The following BRME1 variants were observed in gnomAD, a reference collection of about 807,000 sequenced individuals.
BRME1 encodes break repair meiotic recombinase recruitment factor 1.
BRME1 carries 31 observed loss-of-function variants against 52.6 expected under a neutral mutation model. The ratio of observed to expected loss-of-function variants is 0.59; its 90% CI spans 0.44 to 0.80. The LOEUF (loss-of-function observed/expected upper bound fraction) is 0.80, where lower values mean the gene tolerates loss of function less well. BRME1 is among the 30% of genes least tolerant of loss of function. The probability of loss-of-function intolerance (pLI) is 0.00; values close to 1 mark genes in which losing one functional copy is unlikely to be tolerated. For synonymous variants in BRME1, 359 were observed against 353.6 expected (o/e 1.02, Z -0.17); for missense variants, 804 against 860.3 (o/e 0.93, Z 0.82).
chr19:13,890,279 C>A lies in BRME1; in HGVS notation c.577G>T (p.Asp193Tyr). 6.2e-7 allele frequency: 1 copy of A among 1,612,850 alleles called. No homozygotes were observed. The change falls in exon 6 of 9, where the codon GAC becomes TAC. Residue 193 changes from aspartate (D) to tyrosine (Y), a missense_variant. This residue lies in a region of BRME1 where 234 missense variants were observed against 258.1 expected (regional missense o/e 0.91). Transcript: ENST00000586783. ...VPGSGDSQPDDPPDRGTGLSA... is the reference protein window; with the variant it reads ...VPGSGDSQPDYPPDRGTGLSA... ...AACCCCGTCCCCCTGTCTGGAGGGTCATCAGGCTGAGAATCCCCACTGCCG... is the reference window on the plus strand; with the variant it reads ...AACCCCGTCCCCCTGTCTGGAGGGTAATCAGGCTGAGAATCCCCACTGCCG...
Position 13,882,839 on chromosome 19 carries a change from T to C in BRME1, c.1970A>G (p.Asn657Ser), listed in dbSNP as rs546246448. 6.8e-6 allele frequency: 11 copies of C among 1,613,892 alleles called. No homozygotes were observed. The African/African-American group carries it at 1.5e-4, about 22-fold the overall frequency. The change falls in exon 9 of 9, where the codon AAT becomes AGT. Residue 657 changes from asparagine (N) to serine (S), a missense_variant. By Grantham distance (46) the Asn-to-Ser change is conservative. Around this residue, in one of 3 missense-constraint regions of BRME1, gnomAD observed 552 missense variants for 561.1 expected, o/e 0.98. Transcript: ENST00000586783. The stretch of plus-strand genomic sequence containing the variant: ...CCAGGGTGGGTCCCCTCGAGGGATA[T>C]TCCCAGGCCCCTTGGAAGGGTAAGG... Reference protein sequence around the residue: ...PLPYPSKGPGNIPRGDPPWRE... With the variant: ...PLPYPSKGPGSIPRGDPPWRE...
In BRME1 at chr19:13,888,518, G is replaced by A. The variant is rs1222440286; in HGVS notation, c.1668+670C>T. The A allele has an allele frequency of 6.6e-6, 1 of 152,264 alleles. No homozygotes were observed. Among genetic ancestry groups the A allele is most frequent in the Non-Finnish European group, 1.5e-5 (1 of 68,074 alleles). The allele number at this position is 152,264 out of a possible 1,614,324, so 9.4% of individuals were successfully genotyped here. ...GGTCGCTCTTTCCCTGGGGGGCAGG[G>A]CTGAAGCAAGGCTGCCATCTGCCCA... On this transcript the variant is annotated intron_variant, in intron 6 of 8. Transcript: ENST00000586783. The surrounding 1 kb of genome is among the most constrained non-coding windows in gnomAD (Gnocchi z 4.1).
chr19:13,893,488 T>C (rs1425876799), intron 3 of BRME1, among the ~76,000 whole-genome samples: 1 of 152,092 alleles, frequency 6.6e-6, no homozygotes, highest in African/African-American at 2.4e-5. Context: ...TGAGCCAAGA[T>C]TGTGCTACTG....
intron 5 of BRME1, among the ~76,000 whole-genome samples, chr19:13,892,551 G>A (rs952918989): frequency 4.6e-5 from 7 of 152,096 alleles, no homozygotes; most frequent in Admixed American, 1.3e-4. Flanking sequence ...TGGCACCATC[G>A]CACTCCAGCC....
Position 13,890,344 on chromosome 19 carries a change from C to A in BRME1, c.512G>T (p.Arg171Leu), listed in dbSNP as rs757389709. The A allele has an allele frequency of 1.3e-6, 2 of 1,582,234 alleles. No individual in the cohort carries two copies. The highest frequency in any genetic ancestry group is 1.7e-6 in the Non-Finnish European group (2 of 1,165,664). The part of the protein sequence containing the change: ...LGDPTQADSA[R>L]PEQSSQSPVQ... ...AGGGCTCTGGCTGCTCTGCTCAGGG[C>A]GGGCACTGTCTGCCTGCGTTGGGTC... Residue 171 changes from arginine to leucine, a missense_variant, in exon 6 of 9, where the codon CGC (arginine) becomes CTC (leucine). Arg to Leu is a moderately radical substitution (Grantham distance 102, BLOSUM62 -2). This residue lies in a region of BRME1 where 234 missense variants were observed against 258.1 expected (regional missense o/e 0.91). Transcript: ENST00000586783.
Position 13,890,479 on chromosome 19 carries a change from A to C in BRME1, c.394-17T>G. 1 of 1,472,000 alleles carries C rather than the reference A, an allele frequency of 6.8e-7. No homozygotes were observed. Among genetic ancestry groups the C allele is most frequent in the Admixed American group, 2.5e-5 (1 of 40,406 alleles). The allele number at this position is 1,472,000 out of a possible 1,614,324, so 91.2% of individuals were successfully genotyped here. On this transcript the variant is annotated splice_polypyrimidine_tract_variant and intron_variant, in intron 5 of 8. Coordinates refer to ENST00000586783, the MANE Select transcript of BRME1 (RefSeq NM_001345843.2). ...GATTGTTTCCTGTGGACAGAAAAAG[A>C]CTCAGCCCCGGGGCCTTTGATAACC...
At position 13,889,382 on chromosome 19, in the gene BRME1, G is replaced by T; in HGVS notation, c.1474C>A (p.Pro492Thr). Residue 492 changes from proline to threonine, a missense_variant, in exon 6 of 9, where the codon CCT (proline) becomes ACT (threonine). By Grantham distance (38) the Pro-to-Thr change is conservative (BLOSUM62 -1). Around this residue, in one of 3 missense-constraint regions of BRME1, gnomAD observed 552 missense variants for 561.1 expected, o/e 0.98. Transcript: ENST00000586783. ...TGCTGAGCCCCGGGCTCCTGGAGAG[G>T]GTCGTCTGCTATTTCTCTGTGTTCC... Reference protein sequence around the residue: ...VLEHREIADDPLQEPGAQQGI... With the variant: ...VLEHREIADDTLQEPGAQQGI... 1 of 1,614,056 alleles carries T rather than the reference G, an allele frequency of 6.2e-7. No homozygotes were observed. Among genetic ancestry groups the T allele is most frequent in the Non-Finnish European group, 8.5e-7 (1 of 1,180,016 alleles).
chr19:13,901,144 ATT>A (rs111701966), intron 2 of BRME1, among the ~76,000 whole-genome samples: 5 of 142,422 alleles, frequency 3.5e-5, no homozygotes, highest in African/African-American at 2.6e-5. Flanking sequence ...GTTAATTAAA[ATT>A]TTTTTTTTTT....
Position 13,904,957 on chromosome 19 carries a change from C to G in BRME1, c.-21-44G>C, listed in dbSNP as rs1970572797. The G allele has an allele frequency of 2.7e-6, 4 of 1,496,956 alleles. No individual in the cohort carries two copies. In the African/African-American group the frequency reaches 4.2e-5, roughly 16 times the overall value. The allele number at this position is 1,496,956 out of a possible 1,614,324, so 92.7% of individuals were successfully genotyped here. On this transcript the variant is annotated intron_variant, in intron 1 of 8. Transcript: ENST00000586783. ...TCTCATCATTATAAGCAGTCTCTGT[C>G]TCTGTTTATATCCAGTGGCTTTGGC... is the stretch of plus-strand genomic sequence containing the variant.
At chr19:13,887,304 G>A (rs1007032583) in intron 6 of BRME1, among the ~76,000 whole-genome samples, 10 of 152,228 alleles carry the variant, frequency 6.6e-5, no homozygotes, top group Admixed American at 2.6e-4. Context: ...TGCCTGGGTC[G>A]CCTCAACTTG....
intron 2 of BRME1, among the ~76,000 whole-genome samples, chr19:13,899,868 G>C (rs766884555): frequency 7.9e-5 from 12 of 152,076 alleles, no homozygotes; most frequent in South Asian, 4.1e-4. Context: ...CAGGTGTGGT[G>C]GTGGGCACCT....
chr19:13,892,277 T>C (rs1263368252), intron 5 of BRME1, among the ~76,000 whole-genome samples: 1 of 151,862 alleles, frequency 6.6e-6, no homozygotes, highest in Non-Finnish European at 1.5e-5. Flanking sequence ...TCTGTACCAT[T>C]TTGTGTTTTT....
Position 13,889,687 on chromosome 19 carries a change from A to G in BRME1, c.1169T>C (p.Leu390Pro). The G allele has an allele frequency of 6.2e-7, 1 of 1,609,924 alleles. No individual in the cohort carries two copies. The highest frequency in any genetic ancestry group is 8.5e-7 in the Non-Finnish European group (1 of 1,178,658). Residue 390 changes from leucine to proline, a missense_variant, in exon 6 of 9, where the codon CTC (leucine) becomes CCC (proline). Physicochemically the swap from Leu to Pro is moderately conservative, Grantham distance 98. This residue lies in a region of BRME1 where 552 missense variants were observed against 561.1 expected (regional missense o/e 0.98). Transcript: ENST00000586783. ...ACTTTCTCCTGTGGTTTCCCCAGTGAGCGAGGTGCAGCCTGGCAAGGCCCT... is the reference window on the plus strand; with the variant it reads ...ACTTTCTCCTGTGGTTTCCCCAGTGGGCGAGGTGCAGCCTGGCAAGGCCCT... ...HRRALPGCTS[L>P]TGETTGESGE...
chr19:13,904,074 T>C (rs1322475924), intron 2 of BRME1, among the ~76,000 whole-genome samples: 2 of 152,082 alleles, frequency 1.3e-5, no homozygotes, highest in African/African-American at 4.8e-5. Context: ...TTACTTTTCC[T>C]GTATGCCCTC....
In BRME1 at chr19:13,888,308, G is replaced by A. The variant is rs909590873; in HGVS notation, c.1668+880C>T. 1.2e-4 allele frequency: 19 copies of A among 152,274 alleles called. No individual in the cohort carries two copies. The highest frequency in any genetic ancestry group is 2.0e-4 in the Admixed American group (3 of 15,256). 9.4% of individuals were successfully genotyped at this position (152,274 alleles called of 1,614,324 possible). ...TGGACTCTGCGTTCCAGGACGCGGC[G>A]GCTGGGGCATGACCTGGGTGCCAGC... On this transcript the variant is annotated intron_variant, in intron 6 of 8. Coordinates refer to ENST00000586783, the MANE Select transcript of BRME1 (RefSeq NM_001345843.2). The surrounding 1 kb of genome is among the most constrained non-coding windows in gnomAD (Gnocchi z 4.1).
At chr19:13,904,770 C>T in intron 2 of BRME1, 92 bp downstream of exon 2, 4 of 1,338,112 alleles carry the variant, frequency 3.0e-6, no homozygotes, top group South Asian at 2.4e-5. Context: ...GAGGTTAAGG[C>T]AGTCGTGTTA....
rs562060550 is a variant in BRME1, at chr19:13,894,112, T to C, written c.207-889A>G. ...CAGGAATTGCCTTCTGAACTGGGAA[T>C]AGGGATATTCTCATTTGGACGGACA... On this transcript the variant is annotated intron_variant, in intron 3 of 8. Transcript: ENST00000586783. 1.8e-4 allele frequency among the ~76,000 whole-genome samples: 27 copies of C among 152,242 alleles called. 1 individual carries two copies. Among genetic ancestry groups the C allele is most frequent in the African/African-American group, 5.1e-4 (21 of 41,530 alleles).
chr19:13,899,064 G>A (rs1277501154), intron 2 of BRME1, among the ~76,000 whole-genome samples: 3 of 151,826 alleles, frequency 2.0e-5, no homozygotes, highest in Admixed American at 6.6e-5. Flanking sequence ...CCAATTGCTA[G>A]GGTCTGCATC....
chr19:13,892,972 C>T, intron 4 of BRME1, 82 bp from the exon 5 acceptor site: 1 of 1,424,678 alleles, frequency 7.0e-7, no homozygotes, highest in East Asian at 2.3e-5. Flanking sequence ...CCCAAACCTG[C>T]TCCTTTCTTG....
Sources: allele counts gnomAD v4.1 joint callset (sites outside exome capture counted in the v4.1 genomes callset), GRCh38; gene constraint gnomAD v4.1.1; regional missense constraint gnomAD v4.1.1; non-coding constraint Gnocchi (gnomAD v3.1); transcripts MANE v1.5; gene names NCBI Gene and HGNC (gene_info 2026-07-23, HGNC 2026-07-21).